GTF3C1: variants seen among roughly 807,000 people sequenced by gnomAD.
GTF3C1 encodes the protein general transcription factor IIIC subunit 1, also known as general transcription factor 3C polypeptide 1.
GTF3C1 carries 57 observed loss-of-function variants against 226.7 expected under a neutral mutation model. That is an observed-to-expected ratio of 0.25 (90% CI 0.20 to 0.31). The LOEUF (loss-of-function observed/expected upper bound fraction) is 0.31. Among genes scored for constraint, GTF3C1 ranks in the 10% least tolerant of loss-of-function variants. The pLI, the probability that GTF3C1 is intolerant of heterozygous loss-of-function variation, is 1.00. For synonymous variants in GTF3C1, 1,090 were observed against 1,084.8 expected (o/e 1.00, Z -0.09); for missense variants, 2,217 against 2,776.1 (o/e 0.80, Z 4.53).
At position 27,471,627 on chromosome 16, in the gene GTF3C1, T is replaced by G; in HGVS notation, c.4526+121A>C. 1 of 754,174 alleles carries G rather than the reference T, an allele frequency of 1.3e-6. No homozygotes were observed. Among genetic ancestry groups the G allele is most frequent in the Non-Finnish European group, 2.3e-6 (1 of 442,926 alleles). The allele number at this position is 754,174 out of a possible 1,614,324, so 46.7% of individuals were successfully genotyped here. A position where few individuals can be genotyped will look rare whatever the true frequency, so the allele number is the denominator to read the frequency against. On this transcript the variant is annotated intron_variant, in intron 30 of 36. Coordinates refer to ENST00000356183, the MANE Select transcript of GTF3C1 (RefSeq NM_001520.4). The surrounding 1 kb of genome is among the most constrained non-coding windows in gnomAD (Gnocchi z 5.0). ...GAAACCCAAGCCGGCATCTTGCACA[T>G]GAGGCTGCGAAGGTCCCTGGCTCCT... is the stretch of plus-strand genomic sequence containing the variant.
intron 25 of GTF3C1, 76 bp downstream of exon 25, chr16:27,484,135 C>T: frequency 2.7e-6 from 3 of 1,091,824 alleles, no homozygotes; most frequent in South Asian, 1.3e-5. Context: ...GCTCCAGCCA[C>T]ACTTCCCACC....
Position 27,507,202 on chromosome 16 carries a change from T to C in GTF3C1, c.1243-46A>G, listed in dbSNP as rs1412454132. On this transcript the variant is annotated intron_variant, in intron 8 of 36. Transcript: ENST00000356183. This position sits in a 1 kb window ranked among gnomAD's most constrained non-coding sequence, Gnocchi z 4.9. Reference sequence around the variant, plus strand: ...TTATCCCACTGCAAAGAGGGCGTCATACCCACAGGGGTTCAGGTGGTCTGT... The same window carrying C: ...TTATCCCACTGCAAAGAGGGCGTCACACCCACAGGGGTTCAGGTGGTCTGT... 3.6e-6 allele frequency: 5 copies of C among 1,389,270 alleles called. No individual in the cohort carries two copies. The highest frequency in any genetic ancestry group is 1.3e-5 in the South Asian group (1 of 78,638). 86.1% of individuals were successfully genotyped at this position (1,389,270 alleles called of 1,614,324 possible). A position where few individuals can be genotyped will look rare whatever the true frequency, so the allele number is the denominator to read the frequency against.
intron 27 of GTF3C1, among the ~76,000 whole-genome samples, chr16:27,479,842 G>C (rs892415503): frequency 6.6e-6 from 1 of 152,112 alleles, no homozygotes; most frequent in African/African-American, 2.4e-5. Context: ...TGTTACACTT[G>C]CAACTTTTTC....
intron 6 of GTF3C1, among the ~76,000 whole-genome samples, chr16:27,524,322 G>A (rs768597886): frequency 2.6e-4 from 39 of 152,264 alleles, no homozygotes; most frequent in Non-Finnish European, 4.0e-4. Flanking sequence ...TTTAAATGCC[G>A]GCAACAAATT....
rs139963948 is a variant in GTF3C1, at chr16:27,464,435, G to A, written c.5757C>T (p.Thr1919=). ...APSPPPALED[T]AAAGAAQEDQ... ...CTTCCTGTGCTGCTCCCGCTGCAGC[G>A]GTGTCTTCAAGAGCTGGGGGTGGAG... The change falls in exon 34 of 37, where the codon ACC becomes ACT. Residue 1919 remains threonine (T), a synonymous_variant. Coordinates refer to ENST00000356183, the MANE Select transcript of GTF3C1 (RefSeq NM_001520.4). The A allele has an allele frequency of 7.7e-5, 124 of 1,603,116 alleles. 2 individuals are homozygous for A. The highest frequency in any genetic ancestry group is 5.0e-4 in the Middle Eastern group (3 of 6,016).
intron 1 of GTF3C1, among the ~76,000 whole-genome samples, chr16:27,549,364 G>A (rs1475045273): frequency 6.6e-6 from 1 of 152,108 alleles, no homozygotes; most frequent in African/African-American, 2.4e-5. Flanking sequence ...ATCCTCCAAT[G>A]TAAAGGAAAC....
rs746867646 is a variant in GTF3C1 at position 27,469,389 on chromosome 16, G to A, written c.4976C>T (p.Thr1659Ile). The change falls in exon 32 of 37, where the codon ACC becomes ATC. Residue 1659 changes from threonine (T) to isoleucine (I), a missense_variant. Thr to Ile is a moderately conservative substitution (Grantham distance 89). This residue lies in a region of GTF3C1 where 455 missense variants were observed against 441.9 expected (regional missense o/e 1.03). Coordinates refer to ENST00000356183, the MANE Select transcript of GTF3C1 (RefSeq NM_001520.4). The surrounding 1 kb of genome is among the most constrained non-coding windows in gnomAD (Gnocchi z 4.5). Reference protein sequence around the residue: ...RGYYSPGIVSTRNLNPNDSIV... With the variant: ...RGYYSPGIVSIRNLNPNDSIV... ...GCTGTCGTTGGGGTTGAGGTTGCGG[G>A]TGCTGACGATGCCGGGGGAGTAGTA... 1.9e-6 allele frequency: 3 copies of A among 1,613,266 alleles called. No homozygotes were observed. The highest frequency in any genetic ancestry group is 8.5e-7 in the Non-Finnish European group (1 of 1,179,700).
rs971861133 is a variant in GTF3C1, at chr16:27,463,602, G to C, written c.5873-10C>G. ...AAACTCTCTGTGAACCCTGAGGGAA[G>C]AGGAAGAGAATGTGAGAGACTCGGA... is the stretch of plus-strand genomic sequence containing the variant. On this transcript the variant is annotated splice_polypyrimidine_tract_variant and intron_variant, in intron 34 of 36. Coordinates refer to ENST00000356183, the MANE Select transcript of GTF3C1 (RefSeq NM_001520.4). The surrounding 1 kb of genome is among the most constrained non-coding windows in gnomAD (Gnocchi z 4.9). The C allele has an allele frequency of 6.4e-7, 1 of 1,563,232 alleles. No homozygotes were observed. The highest frequency in any genetic ancestry group is 1.3e-5 in the African/African-American group (1 of 74,088).
chr16:27,542,049 G>A (rs2089092304), intron 2 of GTF3C1, among the ~76,000 whole-genome samples: 3 of 152,192 alleles, frequency 2.0e-5, no homozygotes, highest in African/African-American at 7.2e-5. Context: ...ATACCATGCT[G>A]GGCACACAAA....
chr16:27,530,348 T>A (rs1555504797), intron 5 of GTF3C1, among the ~76,000 whole-genome samples: 2 of 152,066 alleles, frequency 1.3e-5, no homozygotes, highest in Non-Finnish European at 2.9e-5. Flanking sequence ...TGGAAACTCA[T>A]CCATCAGATC....
In GTF3C1 at chr16:27,502,965, G is replaced by A; in HGVS notation, c.1801C>T (p.His601Tyr). 1.2e-6 allele frequency: 2 copies of A among 1,612,240 alleles called. No individual in the cohort carries two copies. Among genetic ancestry groups the A allele is most frequent in the Non-Finnish European group, 1.7e-6 (2 of 1,178,272 alleles). The change falls in exon 11 of 37, where the codon CAC (histidine) becomes TAC (tyrosine). Residue 601 changes from histidine to tyrosine, a missense_variant. Around this residue, in one of 12 missense-constraint regions of GTF3C1, gnomAD observed 173 missense variants for 207.2 expected, o/e 0.83. Transcript: ENST00000356183. ...ESSSSLKTGR[H>Y]SSGQDKPHET... ...TGTGGTTTGTCTTGGCCTGAGCTGT[G>A]CCTCCCAGTCTTCAGGGAACTGCTA...
At chr16:27,491,248 A>T (rs1186168576) in intron 19 of GTF3C1, among the ~76,000 whole-genome samples, 1 of 152,222 alleles carries the variant, frequency 6.6e-6, no homozygotes, top group East Asian at 1.9e-4. Flanking sequence ...TCAAGAAGGG[A>T]GGAGCGGAAT....
At chr16:27,519,477 C>T (rs1175530791) in intron 6 of GTF3C1, among the ~76,000 whole-genome samples, 1 of 152,064 alleles carries the variant, frequency 6.6e-6, no homozygotes, top group Non-Finnish European at 1.5e-5. Flanking sequence ...CTGGTTTTAC[C>T]TTTAGCCAGT....
intron 2 of GTF3C1, among the ~76,000 whole-genome samples, chr16:27,539,090 C>T (rs1195283931): frequency 6.6e-6 from 1 of 150,638 alleles, no homozygotes; most frequent in Non-Finnish European, 1.5e-5. Flanking sequence ...ACCTGTTCAC[C>T]AGGACATCCT....
At chr16:27,528,794 T>G (rs989576882) in intron 5 of GTF3C1, 73 bp from the exon 6 acceptor site, 1 of 1,376,860 alleles carries the variant, frequency 7.3e-7, no homozygotes, top group African/African-American at 1.4e-5. Flanking sequence ...GTCATATAAA[T>G]GAACACAAGT....
chr16:27,488,737 G>T (rs1045794937), intron 21 of GTF3C1, 102 bp from the exon 22 acceptor site: 1 of 953,156 alleles, frequency 1.0e-6, no homozygotes, highest in Non-Finnish European at 1.6e-6. Context: ...GGTAAGGGCC[G>T]CTGTGCACTG....
chr16:27,533,712 A>T (rs566694264), intron 4 of GTF3C1, among the ~76,000 whole-genome samples: 3 of 152,320 alleles, frequency 2.0e-5, no homozygotes, highest in South Asian at 4.1e-4. Context: ...AGTATCACAC[A>T]TATCTTCTTA....
chr16:27,487,116 G>A (rs2088151826), intron 23 of GTF3C1, among the ~76,000 whole-genome samples: 1 of 152,186 alleles, frequency 6.6e-6, no homozygotes, highest in Non-Finnish European at 1.5e-5. Flanking sequence ...AGAAAAGTGG[G>A]GAAAGGAAAT....
At chr16:27,515,764 C>G (rs963190269) in intron 6 of GTF3C1, among the ~76,000 whole-genome samples, 1 of 152,194 alleles carries the variant, frequency 6.6e-6, no homozygotes, top group African/African-American at 2.4e-5. Flanking sequence ...CTCTGTCTCA[C>G]GGGGTTAATG....
Sources: allele counts gnomAD v4.1 joint callset (sites outside exome capture counted in the v4.1 genomes callset), GRCh38; gene constraint gnomAD v4.1.1; regional missense constraint gnomAD v4.1.1; non-coding constraint Gnocchi (gnomAD v3.1); transcripts MANE v1.5; gene names NCBI Gene and HGNC (gene_info 2026-07-23, HGNC 2026-07-21).